The following SMOC2 variants were observed in gnomAD, a reference collection of about 807,000 sequenced individuals.
SMOC2 encodes SPARC related modular calcium binding 2, also known as SPARC-related modular calcium-binding protein 2.
Under a neutral mutation model 61.4 loss-of-function variants are expected in SMOC2, and 39 were observed. That is an observed-to-expected ratio of 0.64 (90% CI 0.49 to 0.83). SMOC2 has a LOEUF of 0.83. Among genes scored for constraint, SMOC2 ranks in the 40% least tolerant of loss-of-function variants. The probability of loss-of-function intolerance (pLI) is 0.00; values close to 1 mark genes in which losing one functional copy is unlikely to be tolerated. For synonymous variants in SMOC2, 247 were observed against 239.9 expected (o/e 1.03, Z -0.27); for missense variants, 556 against 592.9 (o/e 0.94, Z 0.65).
At chr6:168,621,160 C>G (rs1481746544) in intron 9 of SMOC2, among the ~76,000 whole-genome samples, 1 of 152,182 alleles carries the variant, frequency 6.6e-6, no homozygotes, top group Non-Finnish European at 1.5e-5. Flanking sequence ...ATGGACTGCC[C>G]ATTAGTTGTT....
chr6:168,598,416 C>T (rs1785384610), intron 7 of SMOC2, among the ~76,000 whole-genome samples: 1 of 152,206 alleles, frequency 6.6e-6, no homozygotes, highest in African/African-American at 2.4e-5. Context: ...CTCAATGACA[C>T]GTGGCTCGGA....
At chr6:168,492,453 G>A (rs190121969) in intron 1 of SMOC2, among the ~76,000 whole-genome samples, 22 of 152,324 alleles carry the variant, frequency 1.4e-4, no homozygotes, top group Admixed American at 1.2e-3. Flanking sequence ...ACAACAATGG[G>A]TTGATCAAAT....
intron 4 of SMOC2, among the ~76,000 whole-genome samples, chr6:168,537,051 C>T (rs1196281518): frequency 6.6e-6 from 1 of 152,244 alleles, no homozygotes; most frequent in African/African-American, 2.4e-5. Flanking sequence ...GTGGTCACCT[C>T]CCTCGGCCGG....
At chr6:168,559,941 CA>C (rs1223870152) in intron 7 of SMOC2, among the ~76,000 whole-genome samples, 1 of 152,194 alleles carries the variant, frequency 6.6e-6, no homozygotes, top group Non-Finnish European at 1.5e-5. Flanking sequence ...TAGTTACAAT[CA>C]AGGCAATGAC....
chr6:168,650,750 A>C lies in SMOC2; in HGVS notation c.977A>C (p.His326Pro). ...GACGCGCTGTCCACGGACATGGTCC[A>C]CGCCGCCTCCGACCCCTCCTCCTCG... The part of the protein sequence containing the change: ...VLDALSTDMV[H>P]AASDPSSSSG... Residue 326 changes from histidine (H) to proline (P), a missense_variant, in exon 10 of 13, where the codon CAC becomes CCC. His to Pro is a moderately conservative substitution (Grantham distance 77). Coordinates refer to ENST00000356284, the MANE Select transcript of SMOC2 (RefSeq NM_001166412.2). 6.2e-7 allele frequency: 1 copy of C among 1,613,098 alleles called. No individual in the cohort carries two copies. Among genetic ancestry groups the C allele is most frequent in the Non-Finnish European group, 8.5e-7 (1 of 1,179,976 alleles).
rs954501064 is a variant in SMOC2, at chr6:168,453,454, C to G, written c.84+12000C>G. Among the ~76,000 whole-genome samples the G allele has an allele frequency of 2.0e-5, 3 of 152,148 alleles. No individual in the cohort carries two copies. The highest frequency in any genetic ancestry group is 4.4e-5 in the Non-Finnish European group (3 of 68,026). On this transcript the variant is annotated intron_variant, in intron 1 of 12. Coordinates refer to ENST00000356284, the MANE Select transcript of SMOC2 (RefSeq NM_001166412.2). The surrounding 1 kb of genome is among the most constrained non-coding windows in gnomAD (Gnocchi z 4.4). ...CTAGGCTCTCTCTTTCTCTCTGTCT[C>G]TGTGTGTCTCTCAGTTCTGTCTCTC...
intron 1 of SMOC2, among the ~76,000 whole-genome samples, chr6:168,493,989 C>G (rs1399748488): frequency 6.6e-6 from 1 of 152,030 alleles, no homozygotes; most frequent in Non-Finnish European, 1.5e-5. Context: ...ATTTGGTAAC[C>G]TTAAAATATT....
intron 1 of SMOC2, among the ~76,000 whole-genome samples, chr6:168,498,281 T>C (rs2115039231): frequency 6.6e-6 from 1 of 152,308 alleles, no homozygotes; most frequent in Admixed American, 6.5e-5. Context: ...GTAACATGTA[T>C]TTTAGTGTAA....
chr6:168,635,509 T>C (rs1438235980), intron 9 of SMOC2, among the ~76,000 whole-genome samples: 1 of 152,188 alleles, frequency 6.6e-6, no homozygotes, highest in Non-Finnish European at 1.5e-5. Context: ...ACTTTATTTT[T>C]GGAGGAAAGT....
At chr6:168,625,799 G>A (rs529399661) in intron 9 of SMOC2, among the ~76,000 whole-genome samples, 7 of 152,302 alleles carry the variant, frequency 4.6e-5, no homozygotes, top group East Asian at 3.9e-4. Context: ...CAGGGCAGCC[G>A]CTCCAGCTCC....
intron 4 of SMOC2, among the ~76,000 whole-genome samples, chr6:168,532,540 G>A (rs1376275643): frequency 6.6e-6 from 1 of 151,668 alleles, no homozygotes; most frequent in Non-Finnish European, 1.5e-5. Flanking sequence ...CCATTCTCCA[G>A]TATTTGGATA....
chr6:168,471,556 C>T (rs1366508167), intron 1 of SMOC2, among the ~76,000 whole-genome samples: 1 of 152,212 alleles, frequency 6.6e-6, no homozygotes, highest in Non-Finnish European at 1.5e-5. Context: ...TTTCAGTTCT[C>T]ACGGATATAT....
At position 168,603,384 on chromosome 6, in the gene SMOC2, G is replaced by T. The variant is rs557832862; in HGVS notation, c.824+4380G>T. On this transcript the variant is annotated intron_variant, in intron 8 of 12. Transcript: ENST00000356284. The stretch of plus-strand genomic sequence containing the variant: ...TGGTGGAAGCCAGAGAACAGAGCGG[G>T]TCCACTCACAATGGGGTTGGAACAT... Among the ~76,000 whole-genome samples, 104 of 151,896 alleles carry T rather than the reference G, an allele frequency of 6.8e-4. 1 individual carries two copies. The highest frequency in any genetic ancestry group is 2.5e-3 in the African/African-American group (103 of 41,380).
chr6:168,557,794 G>A (rs1328771255), intron 7 of SMOC2, among the ~76,000 whole-genome samples: 2 of 152,240 alleles, frequency 1.3e-5, no homozygotes, highest in Non-Finnish European at 2.9e-5. Context: ...TGAGGTACCA[G>A]GCAAGGCACC....
At chr6:168,495,001 C>T (rs1156459366) in intron 1 of SMOC2, among the ~76,000 whole-genome samples, 1 of 152,250 alleles carries the variant, frequency 6.6e-6, no homozygotes. Flanking sequence ...TGCCTGCATC[C>T]TCCAGGCCCC....
At chr6:168,612,005 CATCCGCGAGGTGGAACGAAGGATGTA>C (rs1224687664) in intron 9 of SMOC2, among the ~76,000 whole-genome samples, 1 of 152,212 alleles carries the variant, frequency 6.6e-6, no homozygotes, top group Non-Finnish European at 1.5e-5. Context: ...ATGTTCCCGG[CATCCGCGAGGTGGAACGAAGGATGTA>C]GGCAGTTTTC....
At chr6:168,505,156 T>C (rs555551346) in intron 1 of SMOC2, among the ~76,000 whole-genome samples, 2 of 149,280 alleles carry the variant, frequency 1.3e-5, no homozygotes, top group Non-Finnish European at 2.9e-5. Context: ...ATCTCTCAGA[T>C]GCCAGATGAA....
intron 1 of SMOC2, among the ~76,000 whole-genome samples, chr6:168,495,313 G>A (rs1049354384): frequency 1.3e-5 from 2 of 152,202 alleles, no homozygotes; most frequent in African/African-American, 4.8e-5. Flanking sequence ...AGCCCACCGT[G>A]GCAGGTGGAT....
At chr6:168,591,653 A>G (rs1785183973) in intron 7 of SMOC2, among the ~76,000 whole-genome samples, 1 of 149,262 alleles carries the variant, frequency 6.7e-6, no homozygotes, top group Non-Finnish European at 1.5e-5. Context: ...TAAGTAATAT[A>G]ATACATATTA....
Sources: gnomAD v4.1 joint callset for allele counts (sites outside exome capture counted in the v4.1 genomes callset) on GRCh38, gnomAD v4.1.1 for gene constraint, Gnocchi (gnomAD v3.1) non-coding constraint, MANE v1.5 for transcripts, NCBI Gene and HGNC (gene_info 2026-07-23, HGNC 2026-07-21) for gene names.